Variants in EXOC4 observed in about 807,000 individuals in gnomAD.
EXOC4 encodes SEC8-like 1.
In EXOC4, 71 loss-of-function variants were observed where a neutral mutation model predicts 107.2. The ratio of observed to expected loss-of-function variants is 0.66; its 90% CI spans 0.55 to 0.81. The LOEUF is 0.81. EXOC4 is among the 30% of genes least tolerant of loss of function. The pLI, the probability that EXOC4 is intolerant of heterozygous loss-of-function variation, is 0.00. For synonymous variants in EXOC4, 456 were observed against 441.2 expected (o/e 1.03, Z -0.42); for missense variants, 1,108 against 1,189.6 (o/e 0.93, Z 1.01).
At chr7:133,695,424 C>T (rs927251385) in intron 10 of EXOC4, among the ~76,000 whole-genome samples, 4 of 151,774 alleles carry the variant, frequency 2.6e-5, no homozygotes, top group South Asian at 2.1e-4. Flanking sequence ...AATAGTGTTG[C>T]GATAAATATG....
At chr7:133,628,419 G>C (rs1337031833) in intron 9 of EXOC4, among the ~76,000 whole-genome samples, 4 of 152,158 alleles carry the variant, frequency 2.6e-5, no homozygotes, top group Non-Finnish European at 4.4e-5. Flanking sequence ...AGGCATTCTA[G>C]TTTCTAAAGT....
intron 14 of EXOC4, among the ~76,000 whole-genome samples, chr7:133,983,579 G>A (rs771994090): frequency 5.3e-5 from 8 of 151,774 alleles, no homozygotes; most frequent in Non-Finnish European, 5.9e-5. Context: ...TGAATAAGCC[G>A]TTCCCTAAGG....
intron 11 of EXOC4, among the ~76,000 whole-genome samples, chr7:133,836,632 C>T (rs778621767): frequency 2.6e-5 from 4 of 152,146 alleles, no homozygotes; most frequent in Admixed American, 6.5e-5. Context: ...AACCAAATAA[C>T]GCACATTTCT....
At chr7:133,538,453 C>A (rs528872327) in intron 9 of EXOC4, among the ~76,000 whole-genome samples, 3 of 152,142 alleles carry the variant, frequency 2.0e-5, no homozygotes, top group East Asian at 1.9e-4. Flanking sequence ...GCATAATATT[C>A]TTTAACAGTT....
chr7:133,776,226 CCG>C (rs1015603330), intron 10 of EXOC4, among the ~76,000 whole-genome samples: 10 of 37,842 alleles, frequency 2.6e-4, no homozygotes, highest in Non-Finnish European at 4.8e-4. Context: ...CTAATTCCAC[CCG>C]TCGGTTCTAT....
At chr7:133,285,483 A>G (rs1168783459) in intron 2 of EXOC4, among the ~76,000 whole-genome samples, 1 of 152,212 alleles carries the variant, frequency 6.6e-6, no homozygotes, top group East Asian at 1.9e-4. Flanking sequence ...TTTTGAAGGT[A>G]TATCATTCCT....
chr7:133,472,583 G>A (rs1301802861), intron 7 of EXOC4, among the ~76,000 whole-genome samples: 2 of 152,190 alleles, frequency 1.3e-5, no homozygotes, highest in Non-Finnish European at 2.9e-5. Context: ...CAAGCATGCA[G>A]TCACAGATGT....
chr7:133,388,477 C>G (rs944900127), intron 7 of EXOC4, among the ~76,000 whole-genome samples: 3 of 152,006 alleles, frequency 2.0e-5, no homozygotes, highest in African/African-American at 7.2e-5. Flanking sequence ...TGGTGAAACC[C>G]TGTTTCTACT....
At chr7:134,033,689 G>A (rs1345671419) in intron 17 of EXOC4, among the ~76,000 whole-genome samples, 2 of 152,202 alleles carry the variant, frequency 1.3e-5, no homozygotes, top group East Asian at 1.9e-4. Flanking sequence ...TTAAGAGCCT[G>A]TTGGGTGCCC....
intron 1 of EXOC4, among the ~76,000 whole-genome samples, chr7:133,256,466 A>G (rs1047410963): frequency 1.3e-5 from 2 of 152,218 alleles, no homozygotes; most frequent in Admixed American, 1.3e-4. Context: ...TGTACCGGGT[A>G]CCTGCTAGCT....
intron 7 of EXOC4, among the ~76,000 whole-genome samples, chr7:133,413,851 G>T (rs1028918088): frequency 1.2e-4 from 19 of 152,014 alleles, no homozygotes; most frequent in Non-Finnish European, 1.6e-4. Flanking sequence ...ATCAGTGAAG[G>T]GGGTATAAAG....
At chr7:133,808,190 A>G (rs1673918391) in intron 10 of EXOC4, among the ~76,000 whole-genome samples, 1 of 152,190 alleles carries the variant, frequency 6.6e-6, no homozygotes, top group Non-Finnish European at 1.5e-5. Flanking sequence ...ATCTTTATAT[A>G]CAAAAGGCAC....
chr7:133,656,381 ATG>A (rs1803296141), intron 10 of EXOC4, among the ~76,000 whole-genome samples: 1 of 151,892 alleles, frequency 6.6e-6, no homozygotes, highest in African/African-American at 2.4e-5. Flanking sequence ...CACAGTATGT[ATG>A]TATGTATGTA....
chr7:133,997,477 A>G lies in EXOC4; in HGVS notation c.2207-15A>G, dbSNP rs770060220. The G allele has an allele frequency of 2.5e-6, 4 of 1,613,292 alleles. No individual in the cohort carries two copies. The highest frequency in any genetic ancestry group is 8.5e-7 in the Non-Finnish European group (1 of 1,179,530). On this transcript the variant is annotated splice_polypyrimidine_tract_variant and intron_variant, in intron 14 of 17. Coordinates refer to ENST00000253861, the MANE Select transcript of EXOC4 (RefSeq NM_021807.4). ...CATCTAATGAAATGATTGGTGTTTT[A>G]TCCTTACCTTTCAGTGCTTTCTCCT...
intron 9 of EXOC4, among the ~76,000 whole-genome samples, chr7:133,499,663 T>A (rs1799540523): frequency 6.6e-6 from 1 of 151,982 alleles, no homozygotes; most frequent in Admixed American, 6.6e-5. Context: ...GTGTGGGAGG[T>A]GGGGCCTGAT....
At chr7:133,584,386 C>T (rs1281073535) in intron 9 of EXOC4, among the ~76,000 whole-genome samples, 2 of 152,076 alleles carry the variant, frequency 1.3e-5, no homozygotes, top group Non-Finnish European at 2.9e-5. Context: ...GTCTTATTCA[C>T]TCAAGATTGC....
rs922012908 is a variant in EXOC4 at position 133,576,798 on chromosome 7, G to T, written c.1418-53247G>T. 93 of 1,289,416 alleles carry T rather than the reference G, an allele frequency of 7.2e-5. 1 individual carries two copies. Among genetic ancestry groups the T allele is most frequent in the Non-Finnish European group, 9.3e-5 (92 of 988,744 alleles). 79.9% of individuals were successfully genotyped at this position (1,289,416 alleles called of 1,614,324 possible). A position where few individuals can be genotyped will look rare whatever the true frequency, so the allele number is the denominator to read the frequency against. ...GCTTTTACACCCAGACAGCCCTTCTGTGCATGGCAAGTTTTACTGAACTCC... is the reference window on the plus strand; with the variant it reads ...GCTTTTACACCCAGACAGCCCTTCTTTGCATGGCAAGTTTTACTGAACTCC... On this transcript the variant is annotated intron_variant, in intron 9 of 17. Transcript: ENST00000253861.
chr7:134,039,679 C>A (rs1795469995), intron 17 of EXOC4, among the ~76,000 whole-genome samples: 1 of 152,204 alleles, frequency 6.6e-6, no homozygotes. Flanking sequence ...CATGGGAATA[C>A]AGTCTCAGGA....
chr7:133,378,309 C>CAAA (rs61241527), intron 7 of EXOC4, among the ~76,000 whole-genome samples: 11 of 105,754 alleles, frequency 1.0e-4, no homozygotes, highest in African/African-American at 2.5e-4. Flanking sequence ...GACTCCATCT[C>CAAA]AAAAAAAAAA....
Sources: gnomAD v4.1 joint callset for allele counts (sites outside exome capture counted in the v4.1 genomes callset) on GRCh38, gnomAD v4.1.1 for gene constraint, MANE v1.5 for transcripts, NCBI Gene and HGNC (gene_info 2026-07-23, HGNC 2026-07-21) for gene names.